The following SAFB2 variants were observed in gnomAD, a reference collection of about 807,000 sequenced individuals.
The protein encoded by SAFB2 is scaffold attachment factor B2.
SAFB2 carries 32 observed loss-of-function variants against 100.6 expected under a neutral mutation model. The observed-to-expected ratio is 0.32, with a 90% CI of 0.24 to 0.43. The LOEUF (loss-of-function observed/expected upper bound fraction) is 0.43. SAFB2 is among the 20% of genes least tolerant of loss of function. SAFB2 has a pLI of 1.00. For synonymous variants in SAFB2, 500 were observed against 439.4 expected (o/e 1.14, Z -1.72); for missense variants, 1,185 against 1,163.4 (o/e 1.02, Z -0.27).
rs185469621 is a variant in SAFB2 at position 5,599,055 on chromosome 19, C to T, written c.1691-171G>A. Among the ~76,000 whole-genome samples, 34 of 152,274 alleles carry T rather than the reference C, an allele frequency of 2.2e-4. No homozygotes were observed. The East Asian group carries it at 3.7e-3, about 16-fold the overall frequency. On this transcript the variant is annotated intron_variant, in intron 12 of 20. Coordinates refer to ENST00000252542, the MANE Select transcript of SAFB2 (RefSeq NM_014649.3). ...ATCTATTGTGAGCAACACGGTAACA[C>T]GGGCACAGCATCATGGGGGTACCCT... is the stretch of plus-strand genomic sequence containing the variant.
intron 12 of SAFB2, among the ~76,000 whole-genome samples, chr19:5,599,507 G>C (rs1411213139): frequency 6.6e-6 from 1 of 152,202 alleles, no homozygotes; most frequent in Non-Finnish European, 1.5e-5. Context: ...GATCCAGCTT[G>C]TAATGTGCTG....
At chr19:5,620,843 C>G (rs893603221) in intron 2 of SAFB2, among the ~76,000 whole-genome samples, 19 of 152,164 alleles carry the variant, frequency 1.2e-4, no homozygotes, top group Admixed American at 1.1e-3. Context: ...CCTTCACATT[C>G]AAAAACCGTA....
At chr19:5,593,862 G>C in intron 15 of SAFB2, 29 bp downstream of exon 15, 1 of 1,437,872 alleles carries the variant, frequency 7.0e-7, no homozygotes, top group Non-Finnish European at 9.1e-7. Context: ...GCTGGTCTCC[G>C]TCCTGCCCAC....
Position 5,590,595 on chromosome 19 carries a change from C to T in SAFB2, c.2395-187G>A, listed in dbSNP as rs78812594. Reference sequence around the variant, plus strand: ...CCCTCTGCTCCCTGGCTCCCCTCCTCGCACCCCTACAGCTGCATCACTGCC... The same window carrying T: ...CCCTCTGCTCCCTGGCTCCCCTCCTTGCACCCCTACAGCTGCATCACTGCC... On this transcript the variant is annotated intron_variant, in intron 17 of 20. Coordinates refer to ENST00000252542, the MANE Select transcript of SAFB2 (RefSeq NM_014649.3). Among the ~76,000 whole-genome samples the T allele has an allele frequency of 4.2e-3, 640 of 152,280 alleles. 12 individuals carry two copies. In the South Asian group the frequency reaches 0.069, roughly 16 times the overall value.
Position 5,604,906 on chromosome 19 carries a change from G to C in SAFB2, c.1327C>G (p.Arg443Gly). 4.3e-6 allele frequency: 7 copies of C among 1,613,642 alleles called. No individual in the cohort carries two copies. Among genetic ancestry groups the C allele is most frequent in the Non-Finnish European group, 5.9e-6 (7 of 1,180,022 alleles). Residue 443 changes from arginine (R) to glycine (G), a missense_variant, in exon 10 of 21, where the codon CGC becomes GGC. This residue lies in a region of SAFB2 where 94 missense variants were observed against 135.1 expected (regional missense o/e 0.70). Transcript: ENST00000252542. The stretch of plus-strand genomic sequence containing the variant: ...CCATAGCATCGAGCCCCCGGGCTGC[G>C]GGCGTTCGTTACCACTTTGGCCCCG... ...VVGAKVVTNA[R>G]SPGARCYGFV...
At chr19:5,593,863 T>A in intron 15 of SAFB2, 28 bp downstream of exon 15, 1 of 1,439,698 alleles carries the variant, frequency 6.9e-7, no homozygotes, top group Middle Eastern at 2.2e-4. Context: ...CTGGTCTCCG[T>A]CCTGCCCACG....
At chr19:5,622,175 T>G (rs2053170270) in intron 1 of SAFB2, among the ~76,000 whole-genome samples, 1 of 152,090 alleles carries the variant, frequency 6.6e-6, no homozygotes, top group African/African-American at 2.4e-5. Context: ...ACACCCATTC[T>G]CCGGAGGAGG....
chr19:5,599,031 T>C (rs2052596301), intron 12 of SAFB2, 147 bp from the exon 13 acceptor site: 3 of 688,768 alleles, frequency 4.4e-6, no homozygotes, highest in Non-Finnish European at 7.6e-6. Flanking sequence ...CTAATTCTCA[T>C]CTATTGTGAG....
chr19:5,609,928 G>A lies in SAFB2; in HGVS notation c.1296+67C>T, dbSNP rs575867936. ...GCTGGGATTATAGACGTGAACCACC[G>A]TGCCCAGCAGAGCTTCCTTTTTAAC... On this transcript the variant is annotated intron_variant, in intron 9 of 20. Transcript: ENST00000252542. The A allele has an allele frequency of 4.9e-5, 67 of 1,369,238 alleles. No homozygotes were observed. In the East Asian group the frequency reaches 1.2e-3, roughly 26 times the overall value. The allele number at this position is 1,369,238 out of a possible 1,614,324, so 84.8% of individuals were successfully genotyped here. A position where few individuals can be genotyped will look rare whatever the true frequency, so the allele number is the denominator to read the frequency against.
chr19:5,621,456 T>C (rs542912349), intron 1 of SAFB2, 60 bp from the exon 2 acceptor site: 2 of 1,085,886 alleles, frequency 1.8e-6, no homozygotes, highest in Middle Eastern at 2.0e-4. Context: ...ACACTGTTCC[T>C]TACAAGTAAC....
chr19:5,610,841 T>C, intron 7 of SAFB2, 153 bp from the exon 8 acceptor site: 1 of 757,900 alleles, frequency 1.3e-6, no homozygotes. Flanking sequence ...TTGGAAAATC[T>C]GACCCCAAAA....
intron 2 of SAFB2, among the ~76,000 whole-genome samples, chr19:5,620,851 G>A (rs759368826): frequency 6.6e-6 from 1 of 152,260 alleles, no homozygotes; most frequent in African/African-American, 2.4e-5. Flanking sequence ...TTCAAAAACC[G>A]TAATAGTAAA....
At chr19:5,601,060 C>A (rs1001921865) in intron 11 of SAFB2, among the ~76,000 whole-genome samples, 4 of 152,160 alleles carry the variant, frequency 2.6e-5, no homozygotes, top group Non-Finnish European at 4.4e-5. Context: ...GCAGGGTTCC[C>A]GGCAGAGCTC....
At chr19:5,621,522 C>T (rs1366965025) in intron 1 of SAFB2, 126 bp from the exon 2 acceptor site, 1 of 710,872 alleles carries the variant, frequency 1.4e-6, no homozygotes, top group African/African-American at 1.7e-5. Context: ...TCCGGGTCAG[C>T]TATCTGGGCC....
chr19:5,604,052 G>A (rs1473234678), intron 11 of SAFB2, among the ~76,000 whole-genome samples: 1 of 152,226 alleles, frequency 6.6e-6, no homozygotes, highest in Non-Finnish European at 1.5e-5. Context: ...ACAAATACAT[G>A]CTGAGGATCA....
chr19:5,620,926 G>A (rs1413156143), intron 2 of SAFB2, among the ~76,000 whole-genome samples: 2 of 152,088 alleles, frequency 1.3e-5, no homozygotes, highest in African/African-American at 2.4e-5. Context: ...AGTTCTATTC[G>A]GTCTCAGGTT....
At position 5,590,214 on chromosome 19, in the gene SAFB2, A is replaced by G. The variant is rs184636516; in HGVS notation, c.2525+64T>C. ...TCAAACCTTGGGGACGTGCCTGGCC[A>G]GGCACCAACCTTTTCCCAGGTTAGG... On this transcript the variant is annotated intron_variant, in intron 18 of 20. Transcript: ENST00000252542. The G allele has an allele frequency of 3.7e-3, 3,477 of 945,276 alleles. 13 individuals are homozygous for G. The highest frequency in any genetic ancestry group is 4.6e-3 in the Non-Finnish European group (3,172 of 694,668). 58.6% of individuals were successfully genotyped at this position (945,276 alleles called of 1,614,324 possible).
chr19:5,610,876 C>T, intron 7 of SAFB2, 188 bp from the exon 8 acceptor site: 1 of 773,612 alleles, frequency 1.3e-6, no homozygotes, highest in Non-Finnish European at 2.0e-6. Context: ...TTGTAAAAGT[C>T]AATTCGATTT....
intron 11 of SAFB2, among the ~76,000 whole-genome samples, chr19:5,600,818 A>G (rs781362535): frequency 3.9e-5 from 6 of 152,220 alleles, no homozygotes; most frequent in Non-Finnish European, 8.8e-5. Context: ...GCCAGTGAAT[A>G]CGGGAAGGTG....
Sources: allele counts gnomAD v4.1 joint callset (sites outside exome capture counted in the v4.1 genomes callset), GRCh38; gene constraint gnomAD v4.1.1; regional missense constraint gnomAD v4.1.1; transcripts MANE v1.5; gene names NCBI Gene and HGNC (gene_info 2026-07-23, HGNC 2026-07-21).